Variants in RBM22 observed in about 807,000 individuals in gnomAD.
The protein encoded by RBM22 is RNA binding motif protein 22.
Under a neutral mutation model 50.1 loss-of-function variants are expected in RBM22, and 1 was observed. The observed-to-expected ratio is 0.02, with a 90% confidence interval of 0.01 to 0.09. The LOEUF is 0.09. Ranked by LOEUF, RBM22 falls within the 10% of genes least tolerant of loss-of-function variation. RBM22 has a pLI of 1.00. For missense variants in RBM22, 264 were observed against 529.3 expected (o/e 0.50, Z 4.92); for synonymous variants, 152 against 179.0 (o/e 0.85, Z 1.20).
intron 4 of RBM22, among the ~76,000 whole-genome samples, chr5:150,697,134 C>T (rs938479453): frequency 6.6e-6 from 1 of 152,160 alleles, no homozygotes; most frequent in Non-Finnish European, 1.5e-5. Context: ...TAGAAAAAAT[C>T]TTTTAGGCTG....
Position 150,698,496 on chromosome 5 carries a change from T to C in RBM22, c.271+3A>G. 3 of 1,613,908 alleles carry C rather than the reference T, an allele frequency of 1.9e-6. No individual in the cohort carries two copies. Among genetic ancestry groups the C allele is most frequent in the Non-Finnish European group, 2.5e-6 (3 of 1,179,882 alleles). On this transcript the variant is annotated splice_donor_region_variant and intron_variant, in intron 4 of 10. Coordinates refer to ENST00000199814, the MANE Select transcript of RBM22 (RefSeq NM_018047.3). ...TCAGATTTATTGGACAGGTCAAACA[T>C]ACCATACTCTAGGTCTAAGAGGCAG...
Position 150,695,582 on chromosome 5 carries a change from C to T in RBM22, c.670G>A (p.Asp224Asn). 1.9e-6 allele frequency: 3 copies of T among 1,613,898 alleles called. No homozygotes were observed. The highest frequency in any genetic ancestry group is 2.5e-6 in the Non-Finnish European group (3 of 1,179,952). The change falls in exon 7 of 11, where the codon GAC (aspartate) becomes AAC (asparagine). Residue 224 changes from aspartate to asparagine, a missense_variant. Transcript: ENST00000199814. ...LKRASTMPRL[D>N]PPEDKTITTL... ...GTGATAGTTTTATCCTCTGGTGGGT[C>T]CAGCCGAGGCATTGTTGAAGCCCGC... is the stretch of plus-strand genomic sequence containing the variant.
chr5:150,700,731 T>G, intron 1 of RBM22: 1 of 1,536,954 alleles, frequency 6.5e-7, no homozygotes, highest in Non-Finnish European at 8.7e-7. Context: ...GAAAGGGTGC[T>G]GGTCCCGGGA....
At chr5:150,693,846 G>C (rs1335230792) in intron 8 of RBM22, among the ~76,000 whole-genome samples, 1 of 152,098 alleles carries the variant, frequency 6.6e-6, no homozygotes, top group Non-Finnish European at 1.5e-5. Flanking sequence ...ACAAAAACAT[G>C]AACCTTCAAA....
Position 150,691,762 on chromosome 5 carries a change from T to C in RBM22, c.1252A>G (p.Ser418Gly), listed in dbSNP as rs761604064. The C allele has an allele frequency of 2.5e-6, 4 of 1,592,960 alleles. No individual in the cohort carries two copies. The highest frequency in any genetic ancestry group is 4.6e-5 in the East Asian group (2 of 43,936). The change falls in exon 11 of 11, where the codon AGC becomes GGC. Residue 418 changes from serine (S) to glycine (G), a missense_variant. Ser to Gly is a moderately conservative substitution (Grantham distance 56, BLOSUM62 0). Transcript: ENST00000199814. ...QRMGAHAGKHSSP is the reference protein window; with the variant it reads ...QRMGAHAGKHGSP The stretch of plus-strand genomic sequence containing the variant: ...GTGGTGACAAGGTGCTAGGGGCTGC[T>C]GTGTTTTCCAGCATGAGCTCCCATC...
intron 2 of RBM22, among the ~76,000 whole-genome samples, chr5:150,699,967 T>C (rs1581548969): frequency 6.6e-6 from 1 of 152,336 alleles, no homozygotes; most frequent in East Asian, 1.9e-4. Context: ...CTAACCTTAT[T>C]ATTGTTAACT....
intron 7 of RBM22, 42 bp downstream of exon 7, chr5:150,695,464 C>CAGTTA: frequency 6.9e-7 from 1 of 1,457,864 alleles, no homozygotes; most frequent in Non-Finnish European, 9.5e-7. Flanking sequence ...TATTCCAGGG[C>CAGTTA]AGTTAAAGGC....
chr5:150,700,716 G>A, intron 1 of RBM22: 1 of 1,534,342 alleles, frequency 6.5e-7, no homozygotes, highest in Non-Finnish European at 8.7e-7. Flanking sequence ...GAGGGGGCAG[G>A]GATGGAAAGG....
chr5:150,694,654 G>A (rs188356455), intron 7 of RBM22: 41 of 156,452 alleles, frequency 2.6e-4, no homozygotes, highest in African/African-American at 8.6e-4. Context: ...CTCTTACAGC[G>A]AAAGTCTGCC....
At chr5:150,700,801 C>T (rs987650365) in intron 1 of RBM22, 131 bp downstream of exon 1, 16 of 1,586,458 alleles carry the variant, frequency 1.0e-5, no homozygotes, top group Middle Eastern at 3.3e-4. Flanking sequence ...CCTCCTGCTC[C>T]GGCCAAGCTA....
At position 150,694,330 on chromosome 5, in the gene RBM22, C is replaced by T; in HGVS notation, c.747-90G>A. 3 of 1,478,234 alleles carry T rather than the reference C, an allele frequency of 2.0e-6. 1 individual carries two copies. The Middle Eastern group carries it at 5.6e-4, about 277-fold the overall frequency. 91.6% of individuals were successfully genotyped at this position (1,478,234 alleles called of 1,614,324 possible). A position where few individuals can be genotyped will look rare whatever the true frequency, so the allele number is the denominator to read the frequency against. ...AAATGGATTAACTTTCACTGACACA[C>T]CACTAGGCAGGTGGGCCCCAAGGTT... On this transcript the variant is annotated intron_variant, in intron 7 of 10. Transcript: ENST00000199814.
At chr5:150,693,343 C>G (rs1211193051) in intron 8 of RBM22, 36 bp from the exon 9 acceptor site, 9 of 1,515,384 alleles carry the variant, frequency 5.9e-6, no homozygotes, top group Non-Finnish European at 8.2e-6. Flanking sequence ...GGCACTCTGG[C>G]CCACCTTATC....
At chr5:150,698,745 G>T in intron 3 of RBM22, 114 bp from the exon 4 acceptor site, 1 of 1,328,274 alleles carries the variant, frequency 7.5e-7, no homozygotes, top group South Asian at 1.5e-5. Context: ...ATTTAGAAGA[G>T]ACCTTAGCAA....
In RBM22 at chr5:150,700,431, C is replaced by T. The variant is rs1459614043; in HGVS notation, c.108+13G>A. ...CAGGACATGAATAACTCGTTTCACA[C>T]GCGATCACTCACCATTCGGATATAT... is the stretch of plus-strand genomic sequence containing the variant. On this transcript the variant is annotated intron_variant, in intron 2 of 10. Transcript: ENST00000199814. 2.5e-6 allele frequency: 4 copies of T among 1,603,826 alleles called. No homozygotes were observed. The highest frequency in any genetic ancestry group is 2.7e-5 in the African/African-American group (2 of 74,678).
In RBM22 at chr5:150,691,611, G is replaced by C. The variant is rs1218713769; in HGVS notation, c.*140C>G. 9.9e-7 allele frequency: 1 copy of C among 1,010,160 alleles called. No homozygotes were observed. The highest frequency in any genetic ancestry group is 1.3e-6 in the Non-Finnish European group (1 of 744,634). The allele number at this position is 1,010,160 out of a possible 1,614,324, so 62.6% of individuals were successfully genotyped here. Reference sequence around the variant, plus strand: ...TGAACAAGTATAGGAAAGCATGGCTGTCAGTCTCTGACTGCTCACATCTGA... The same window carrying C: ...TGAACAAGTATAGGAAAGCATGGCTCTCAGTCTCTGACTGCTCACATCTGA... On this transcript the variant is annotated 3_prime_UTR_variant, in exon 11 of 11. Coordinates refer to ENST00000199814, the MANE Select transcript of RBM22 (RefSeq NM_018047.3).
chr5:150,694,345 G>T lies in RBM22; in HGVS notation c.747-105C>A, dbSNP rs550470426. 9 of 1,441,446 alleles carry T rather than the reference G, an allele frequency of 6.2e-6. No individual in the cohort carries two copies. In the South Asian group the frequency reaches 1.4e-4, roughly 22 times the overall value. 89.3% of individuals were successfully genotyped at this position (1,441,446 alleles called of 1,614,324 possible). A position where few individuals can be genotyped will look rare whatever the true frequency, so the allele number is the denominator to read the frequency against. On this transcript the variant is annotated intron_variant, in intron 7 of 10. Coordinates refer to ENST00000199814, the MANE Select transcript of RBM22 (RefSeq NM_018047.3). The stretch of plus-strand genomic sequence containing the variant: ...CACTGACACACCACTAGGCAGGTGG[G>T]CCCCAAGGTTATCTGCCTAACTACC...
chr5:150,696,959 C>T lies in RBM22; in HGVS notation c.272-68G>A, dbSNP rs779850042. Reference sequence around the variant, plus strand: ...AACATATCCATACTAACCATGCACACAGAATACATCATCTTTCCCTTCTCC... The same window carrying T: ...AACATATCCATACTAACCATGCACATAGAATACATCATCTTTCCCTTCTCC... On this transcript the variant is annotated intron_variant, in intron 4 of 10. Coordinates refer to ENST00000199814, the MANE Select transcript of RBM22 (RefSeq NM_018047.3). This position sits in a 1 kb window ranked among gnomAD's most constrained non-coding sequence, Gnocchi z 4.3. 7 of 1,377,630 alleles carry T rather than the reference C, an allele frequency of 5.1e-6. No individual in the cohort carries two copies. The highest frequency in any genetic ancestry group is 7.2e-6 in the Non-Finnish European group (7 of 973,022). 85.3% of individuals were successfully genotyped at this position (1,377,630 alleles called of 1,614,324 possible). A position where few individuals can be genotyped will look rare whatever the true frequency, so the allele number is the denominator to read the frequency against.
intron 10 of RBM22, among the ~76,000 whole-genome samples, chr5:150,692,455 G>GT (rs555978655): frequency 1.3e-5 from 2 of 152,098 alleles, no homozygotes; most frequent in African/African-American, 2.4e-5. Context: ...TCATCTGACA[G>GT]TTTTTTTGGT....
Position 150,691,713 on chromosome 5 carries a change from C to A in RBM22, c.*38G>T. On this transcript the variant is annotated 3_prime_UTR_variant, in exon 11 of 11. Coordinates refer to ENST00000199814, the MANE Select transcript of RBM22 (RefSeq NM_018047.3). ...CAAGATTTACTGGGAGTTTTAAGTG[C>A]CCTTTCTTCCACAGAGCCCCAGAGT... is the stretch of plus-strand genomic sequence containing the variant. The A allele has an allele frequency of 6.9e-7, 1 of 1,455,420 alleles. No homozygotes were observed. The highest frequency in any genetic ancestry group is 9.1e-7 in the Non-Finnish European group (1 of 1,097,186). The allele number at this position is 1,455,420 out of a possible 1,614,324, so 90.2% of individuals were successfully genotyped here.
Sources: gnomAD v4.1 joint callset for allele counts (sites outside exome capture counted in the v4.1 genomes callset) on GRCh38, gnomAD v4.1.1 for gene constraint, Gnocchi (gnomAD v3.1) non-coding constraint, MANE v1.5 for transcripts, NCBI Gene and HGNC (gene_info 2026-07-23, HGNC 2026-07-21) for gene names.